Variants in CLPSL2 observed in about 807,000 individuals in gnomAD.
The protein encoded by CLPSL2 is colipase like 2.
Under a neutral mutation model 7.9 loss-of-function variants are expected in CLPSL2, and 4 were observed. The ratio of observed to expected loss-of-function variants is 0.50; its 90% CI spans 0.25 to 1.15. The LOEUF is 1.15. CLPSL2 is among the 50% of genes most tolerant of loss of function. The probability of loss-of-function intolerance (pLI) is 0.15; values close to 1 mark genes in which losing one functional copy is unlikely to be tolerated. For synonymous variants in CLPSL2, 67 were observed against 53.1 expected (o/e 1.26, Z -1.14); for missense variants, 132 against 136.6 (o/e 0.97, Z 0.17).
chr6:35,777,894 A>G lies in CLPSL2; in HGVS notation c.207+313A>G, dbSNP rs148776551. 5.4e-4 allele frequency: 390 copies of G among 717,584 alleles called. 3 individuals are homozygous for G. The African/African-American group carries it at 6.1e-3, about 11-fold the overall frequency. The allele number at this position is 717,584 out of a possible 1,614,324, so 44.5% of individuals were successfully genotyped here. A position where few individuals can be genotyped will look rare whatever the true frequency, so the allele number is the denominator to read the frequency against. On this transcript the variant is annotated intron_variant, in intron 2 of 2. Transcript: ENST00000403376. The stretch of plus-strand genomic sequence containing the variant: ...GGCAGGGATCGCATCATATTCATCT[A>G]TGAAGCACCTACCCCCAGCTTAGTA...
At chr6:35,777,758 C>T (rs1767873547) in intron 2 of CLPSL2, 177 bp downstream of exon 2, 3 of 760,256 alleles carry the variant, frequency 3.9e-6, no homozygotes, top group East Asian at 5.3e-5. Flanking sequence ...TCTGAGAAGG[C>T]TTCCCTCCTT....
intron 2 of CLPSL2, among the ~76,000 whole-genome samples, chr6:35,778,972 A>G (rs528183342): frequency 6.6e-6 from 1 of 151,970 alleles, no homozygotes; most frequent in Non-Finnish European, 1.5e-5. Flanking sequence ...GTCCATGACC[A>G]TGTTGGCCAG....
intron 1 of CLPSL2, among the ~76,000 whole-genome samples, chr6:35,777,213 AG>A (rs1379868198): frequency 1.3e-5 from 2 of 148,830 alleles, no homozygotes; most frequent in Non-Finnish European, 3.0e-5. Flanking sequence ...CATGGAGGTG[AG>A]GGGGGTCCAG....
At chr6:35,777,918 T>C (rs1256634949) in intron 2 of CLPSL2, 6 of 717,192 alleles carry the variant, frequency 8.4e-6, no homozygotes, top group Middle Eastern at 2.9e-4. Flanking sequence ...CCCAGCTTAG[T>C]ATCTGCACAT....
intron 1 of CLPSL2, 145 bp downstream of exon 1, chr6:35,776,847 T>A (rs1013246098): frequency 1.9e-5 from 12 of 645,856 alleles, no homozygotes; most frequent in Non-Finnish European, 2.8e-5. Context: ...TGGGGCATCC[T>A]CAGACGGACT....
intron 1 of CLPSL2, among the ~76,000 whole-genome samples, chr6:35,777,204 A>C (rs1767853593): frequency 6.6e-6 from 1 of 150,784 alleles, no homozygotes; most frequent in African/African-American, 2.4e-5. Flanking sequence ...CATGGGACTC[A>C]TGGAGGTGAG....
At position 35,777,574 on chromosome 6, in the gene CLPSL2, T is replaced by A; in HGVS notation, c.200T>A (p.Leu67Ter). 1 of 1,613,318 alleles carries A rather than the reference T, an allele frequency of 6.2e-7. No individual in the cohort carries two copies. Among genetic ancestry groups the A allele is most frequent in the Non-Finnish European group, 8.5e-7 (1 of 1,179,632 alleles). ...AGGGCCAGAATAACCATGATCTGCTTGCCCCAGGTGAGGCCCTAGTATGGG... is the reference window on the plus strand; with the variant it reads ...AGGGCCAGAATAACCATGATCTGCTAGCCCCAGGTGAGGCCCTAGTATGGG... ...APRARITMIC[L>*]PQTKGATNII... Residue 67 changes from leucine (L) to a stop codon, truncating the protein, a stop_gained, in exon 2 of 3, where the codon TTG becomes TAG. Coordinates refer to ENST00000403376, the MANE Select transcript of CLPSL2 (RefSeq NM_207409.4). LOFTEE classifies it low-confidence loss of function (END_TRUNC).
rs117019640 is a variant in CLPSL2 at position 35,778,540 on chromosome 6, A to G, written c.208-815A>G. Among the ~76,000 whole-genome samples the G allele has an allele frequency of 8.2e-4, 125 of 152,336 alleles. 2 individuals are homozygous for G. In the East Asian group the frequency reaches 0.023, roughly 28 times the overall value. Reference sequence around the variant, plus strand: ...GAGAGGCTAAAGTACCTACCCCACCAGGCTGTTGGGAAGATTATGTGGTCC... The same window carrying G: ...GAGAGGCTAAAGTACCTACCCCACCGGGCTGTTGGGAAGATTATGTGGTCC... On this transcript the variant is annotated intron_variant, in intron 2 of 2. Coordinates refer to ENST00000403376, the MANE Select transcript of CLPSL2 (RefSeq NM_207409.4).
intron 2 of CLPSL2, among the ~76,000 whole-genome samples, chr6:35,779,151 A>C (rs563096628): frequency 7.0e-4 from 107 of 152,212 alleles, no homozygotes; most frequent in African/African-American, 2.5e-3. Context: ...GGGGGTTACT[A>C]TTACTGTCCC....
rs747852899 is a variant in CLPSL2, at chr6:35,777,445, G to T, written c.85-14G>T. 1.2e-6 allele frequency: 2 copies of T among 1,612,644 alleles called. No individual in the cohort carries two copies. The highest frequency in any genetic ancestry group is 3.3e-5 in the Admixed American group (2 of 59,962). On this transcript the variant is annotated splice_polypyrimidine_tract_variant and intron_variant, in intron 1 of 2. Coordinates refer to ENST00000403376, the MANE Select transcript of CLPSL2 (RefSeq NM_207409.4). ...TTGCTCCCAGCCTGGCAGACATTCTGCCTGTCCCCACAGAAAATCACAGAC... is the reference window on the plus strand; with the variant it reads ...TTGCTCCCAGCCTGGCAGACATTCTTCCTGTCCCCACAGAAAATCACAGAC...
At chr6:35,777,986 C>A in intron 2 of CLPSL2, 1 of 698,764 alleles carries the variant, frequency 1.4e-6, no homozygotes, top group South Asian at 1.5e-5. Flanking sequence ...GATGGAGTCT[C>A]GCTCTGTCAC....
chr6:35,779,232 T>C, intron 2 of CLPSL2, 123 bp from the exon 3 acceptor site: 1 of 704,356 alleles, frequency 1.4e-6, no homozygotes, highest in Middle Eastern at 4.0e-4. Flanking sequence ...TTATAAGCTG[T>C]AGAGACAGCC....
chr6:35,776,791 C>G, intron 1 of CLPSL2, 89 bp downstream of exon 1: 1 of 1,202,066 alleles, frequency 8.3e-7, no homozygotes, highest in African/African-American at 1.6e-5. Flanking sequence ...CGCCGGGCAG[C>G]CTGAAAGGGA....
intron 1 of CLPSL2, among the ~76,000 whole-genome samples, chr6:35,777,049 A>C: frequency 6.7e-6 from 1 of 148,672 alleles, no homozygotes; most frequent in Non-Finnish European, 1.5e-5. Flanking sequence ...CTCTTCTTCC[A>C]CCTCCTCTCA....
chr6:35,778,966 A>G lies in CLPSL2; in HGVS notation c.208-389A>G, dbSNP rs993121322. Among the ~76,000 whole-genome samples, 4 of 152,026 alleles carry G rather than the reference A, an allele frequency of 2.6e-5. No individual in the cohort carries two copies. The South Asian group carries it at 8.4e-4, about 32-fold the overall frequency. On this transcript the variant is annotated intron_variant, in intron 2 of 2. Transcript: ENST00000403376. ...GTGCTAATTTTTATATTATTAGTCCATGACCATGTTGGCCAGGCTAGTCTC... is the reference window on the plus strand; with the variant it reads ...GTGCTAATTTTTATATTATTAGTCCGTGACCATGTTGGCCAGGCTAGTCTC...
rs79538541 is a variant in CLPSL2 at position 35,778,639 on chromosome 6, G to A, written c.208-716G>A. Among the ~76,000 whole-genome samples the A allele has an allele frequency of 1.9e-3, 287 of 152,300 alleles. 1 individual carries two copies. The East Asian group carries it at 0.024, about 13-fold the overall frequency. ...ATGCAGGGAGCAGAATGCTCAGTAC[G>A]CCCTGTTCCTGCCCACCTGGCCCTG... is the stretch of plus-strand genomic sequence containing the variant. On this transcript the variant is annotated intron_variant, in intron 2 of 2. Transcript: ENST00000403376.
In CLPSL2 at chr6:35,777,475, G is replaced by A. The variant is rs1288855217; in HGVS notation, c.101G>A (p.Cys34Tyr). Residue 34 changes from cysteine to tyrosine, a missense_variant, in exon 2 of 3, where the codon TGC becomes TAC. Physicochemically the swap from Cys to Tyr is radical, Grantham distance 194. Transcript: ENST00000403376. ...PQYKKKITDRCFHHSECYSGC... is the reference protein window; with the variant it reads ...PQYKKKITDRYFHHSECYSGC... ...TCCCCACAGAAAATCACAGACAGGT[G>A]CTTCCACCACTCTGAGTGCTACAGT... 3.1e-6 allele frequency: 5 copies of A among 1,613,602 alleles called. No homozygotes were observed. The East Asian group carries it at 1.1e-4, about 36-fold the overall frequency.
chr6:35,777,434 G>A (rs768996224), intron 1 of CLPSL2, 25 bp from the exon 2 acceptor site: 4 of 1,611,728 alleles, frequency 2.5e-6, no homozygotes, highest in Non-Finnish European at 2.5e-6. Flanking sequence ...TCCCAGCCTG[G>A]CAGACATTCT....
chr6:35,778,740 C>G (rs948279592), intron 2 of CLPSL2, among the ~76,000 whole-genome samples: 2 of 152,222 alleles, frequency 1.3e-5, no homozygotes, highest in Non-Finnish European at 2.9e-5. Flanking sequence ...CCTAAGGAAG[C>G]AGCAGGGCCC....
Sources: gnomAD v4.1 joint callset for allele counts (sites outside exome capture counted in the v4.1 genomes callset) on GRCh38, gnomAD v4.1.1 for gene constraint, MANE v1.5 for transcripts, NCBI Gene and HGNC (gene_info 2026-07-23, HGNC 2026-07-21) for gene names.